The following COX5A variants were observed in gnomAD, a reference collection of about 807,000 sequenced individuals.
The protein encoded by COX5A is cytochrome c oxidase subunit 5A, mitochondrial.
A neutral mutation model predicts 16.1 loss-of-function variants in COX5A; 6 were observed. That is an observed-to-expected ratio of 0.37 (90% CI 0.20 to 0.73). The LOEUF is 0.73. Ranked by LOEUF, COX5A falls within the 30% of genes least tolerant of loss-of-function variation. The pLI is 0.50. For missense variants in COX5A, 159 were observed against 194.9 expected, an observed-to-expected ratio of 0.82 and a Z score of 1.10; for synonymous variants, 73 against 73.8, an observed-to-expected ratio of 0.99 and a Z score of 0.06.
chr15:74,923,059 C>T (rs2065328890), intron 4 of COX5A, among the ~76,000 whole-genome samples: 2 of 152,180 alleles, frequency 1.3e-5, no homozygotes, highest in Non-Finnish European at 2.9e-5. Context: ...ATCTATGCTA[C>T]TGTTTATGCC....
chr15:74,932,382 T>C (rs1233897570), intron 1 of COX5A, among the ~76,000 whole-genome samples: 1 of 152,078 alleles, frequency 6.6e-6, no homozygotes, highest in Non-Finnish European at 1.5e-5. Flanking sequence ...CTTAAACTCC[T>C]AGCCTCAAGC....
intron 3 of COX5A, 132 bp downstream of exon 3, chr15:74,926,634 A>G: frequency 1.1e-6 from 1 of 892,452 alleles, no homozygotes; most frequent in Non-Finnish European, 1.6e-6. Context: ...TTTAACTGCA[A>G]TGTACATTCC....
chr15:74,935,729 A>C (rs1205756402), intron 1 of COX5A, among the ~76,000 whole-genome samples: 1 of 151,538 alleles, frequency 6.6e-6, no homozygotes, highest in Non-Finnish European at 1.5e-5. Context: ...AGAAGCTGGG[A>C]CCACGTGTGC....
chr15:74,919,848 A>T lies in COX5A; in HGVS notation c.*604T>A, dbSNP rs1288906302. The T allele has an allele frequency of 6.6e-6, 1 of 152,364 alleles. No individual in the cohort carries two copies. Among genetic ancestry groups the T allele is most frequent in the Non-Finnish European group, 1.5e-5 (1 of 68,170 alleles). The allele number at this position is 152,364 out of a possible 1,614,324, so 9.4% of individuals were successfully genotyped here. ...TCCAAATTTACAAAGCAAATGTTTTAATGTCCAAGGCTAATACACCACTGC... is the reference window on the plus strand; with the variant it reads ...TCCAAATTTACAAAGCAAATGTTTTTATGTCCAAGGCTAATACACCACTGC... On this transcript the variant is annotated 3_prime_UTR_variant, in exon 5 of 5. Transcript: ENST00000322347.
At chr15:74,937,477 C>T (rs2065396376) in intron 1 of COX5A, among the ~76,000 whole-genome samples, 1 of 152,170 alleles carries the variant, frequency 6.6e-6, no homozygotes, top group African/African-American at 2.4e-5. Flanking sequence ...AAAGTATAAT[C>T]GTGTGTCCCA....
At chr15:74,931,480 G>A (rs1311729131) in intron 1 of COX5A, among the ~76,000 whole-genome samples, 3 of 151,690 alleles carry the variant, frequency 2.0e-5, no homozygotes, top group African/African-American at 4.8e-5. Context: ...CAGCCTGGGC[G>A]ACACAGCAAG....
At chr15:74,923,992 C>G (rs1218474262) in intron 3 of COX5A, among the ~76,000 whole-genome samples, 1 of 151,600 alleles carries the variant, frequency 6.6e-6, no homozygotes, top group African/African-American at 2.4e-5. Flanking sequence ...CCAGCCTGGA[C>G]AACATGGTGA....
At chr15:74,937,052 T>C (rs1476230139) in intron 1 of COX5A, among the ~76,000 whole-genome samples, 3 of 152,150 alleles carry the variant, frequency 2.0e-5, no homozygotes, top group Non-Finnish European at 4.4e-5. Context: ...TATGCATGCA[T>C]AGAAGCTAAA....
intron 3 of COX5A, among the ~76,000 whole-genome samples, chr15:74,925,870 CTT>C (rs961022003): frequency 7.1e-6 from 1 of 140,688 alleles, no homozygotes; most frequent in African/African-American, 2.6e-5. Context: ...AAATTCCTTT[CTT>C]TTTTTTTTTA....
intron 4 of COX5A, among the ~76,000 whole-genome samples, chr15:74,921,407 C>CAA (rs56979177): frequency 0.028 from 2,199 of 79,438 alleles, 67 homozygotes; most frequent in East Asian, 0.076. Context: ...GACTCCGTCT[C>CAA]AAAAAAAAAA....
At chr15:74,937,236 C>T (rs1186066267) in intron 1 of COX5A, among the ~76,000 whole-genome samples, 4 of 152,260 alleles carry the variant, frequency 2.6e-5, no homozygotes, top group African/African-American at 9.6e-5. Context: ...CGTTCCTATG[C>T]TTGTAAAACC....
chr15:74,920,832 G>T (rs2065316423), intron 4 of COX5A, among the ~76,000 whole-genome samples: 1 of 151,962 alleles, frequency 6.6e-6, no homozygotes, highest in African/African-American at 2.4e-5. Context: ...CAAAAAATTA[G>T]CCTGGTGTGG....
At position 74,920,157 on chromosome 15, in the gene COX5A, A is replaced by G; in HGVS notation, c.*295T>C. ...TTAATGAAGCTGATTTTCATGTCAG[A>G]TGGTTTCCAGAGAATTAACACAGTT... On this transcript the variant is annotated 3_prime_UTR_variant, in exon 5 of 5. Transcript: ENST00000322347. 2 of 503,784 alleles carry G rather than the reference A, an allele frequency of 4.0e-6. No homozygotes were observed. Among genetic ancestry groups the G allele is most frequent in the Non-Finnish European group, 6.8e-6 (2 of 292,344 alleles). 31.2% of individuals were successfully genotyped at this position (503,784 alleles called of 1,614,324 possible). A position where few individuals can be genotyped will look rare whatever the true frequency, so the allele number is the denominator to read the frequency against.
At chr15:74,930,717 TA>T (rs1264550838) in intron 1 of COX5A, among the ~76,000 whole-genome samples, 211 of 128,966 alleles carry the variant, frequency 1.6e-3, no homozygotes, top group Admixed American at 2.4e-3. Context: ...ATTCACACAT[TA>T]AAAAAAAAAA....
At chr15:74,934,877 A>C (rs2065382115) in intron 1 of COX5A, among the ~76,000 whole-genome samples, 1 of 152,202 alleles carries the variant, frequency 6.6e-6, no homozygotes, top group African/African-American at 2.4e-5. Flanking sequence ...AAGAAAAAAG[A>C]AGCAGCTGTG....
chr15:74,933,419 A>ATATC (rs56686416), intron 1 of COX5A, among the ~76,000 whole-genome samples: 4,294 of 143,434 alleles, frequency 0.03, 127 homozygotes, highest in African/African-American at 0.076. Flanking sequence ...AAAAAAAAAA[A>ATATC]TATCTATCTA....
At chr15:74,925,153 T>C (rs1158961917) in intron 3 of COX5A, among the ~76,000 whole-genome samples, 2 of 151,708 alleles carry the variant, frequency 1.3e-5, no homozygotes, top group East Asian at 1.9e-4. Flanking sequence ...AGAAACCCCG[T>C]CTCTTAAAAT....
At chr15:74,922,000 C>CAA (rs1425498470) in intron 4 of COX5A, among the ~76,000 whole-genome samples, 4 of 152,116 alleles carry the variant, frequency 2.6e-5, no homozygotes, top group African/African-American at 9.6e-5. Context: ...ACAGCCTGGG[C>CAA]AACATAGTGA....
chr15:74,934,705 C>T (rs541622226), intron 1 of COX5A, among the ~76,000 whole-genome samples: 1 of 152,268 alleles, frequency 6.6e-6, no homozygotes, highest in East Asian at 1.9e-4. Flanking sequence ...ACACATCCCC[C>T]ACATGCTTAA....
Sources: gnomAD v4.1 joint callset for allele counts (sites outside exome capture counted in the v4.1 genomes callset) on GRCh38, gnomAD v4.1.1 for gene constraint, MANE v1.5 for transcripts, NCBI Gene and HGNC (gene_info 2026-07-23, HGNC 2026-07-21) for gene names.